Variants in ANK3 observed in about 807,000 individuals in gnomAD.
The protein encoded by ANK3 is ankyrin 3, also known as ankyrin-3.
Under a neutral mutation model 370.9 loss-of-function variants are expected in ANK3, and 57 were observed. That is an observed-to-expected ratio of 0.15 (90% CI 0.12 to 0.19). The LOEUF is 0.19. Ranked by LOEUF, ANK3 falls within the 10% of genes least tolerant of loss-of-function variation. The pLI is 1.00. For synonymous variants in ANK3, 1,929 were observed against 1,946.3 expected, an observed-to-expected ratio of 0.99 and a Z score of 0.23; for missense variants, 4,439 against 5,302.1, an observed-to-expected ratio of 0.84 and a Z score of 5.06.
chr10:60,219,413 C>A (rs2132479823), intron 8 of ANK3, among the ~76,000 whole-genome samples: 1 of 152,258 alleles, frequency 6.6e-6, no homozygotes, highest in East Asian at 1.9e-4. Context: ...TCATTAGAAT[C>A]AGGCAGTTAT....
intron 2 of ANK3, among the ~76,000 whole-genome samples, chr10:60,577,578 T>C (rs2077698742): frequency 6.6e-6 from 1 of 152,154 alleles, no homozygotes; most frequent in African/African-American, 2.4e-5. Flanking sequence ...TTTGCCACCA[T>C]GTAAGATGTG....
At chr10:60,582,362 G>A (rs551021909) in intron 2 of ANK3, among the ~76,000 whole-genome samples, 2 of 152,208 alleles carry the variant, frequency 1.3e-5, no homozygotes, top group South Asian at 2.1e-4. Context: ...ATCTTCCTGA[G>A]GCATTTCTAC....
intron 1 of ANK3, among the ~76,000 whole-genome samples, chr10:60,693,102 GGTCAGGGAGTTCCCTTTCCTA>G (rs1238994503): frequency 2.0e-5 from 3 of 152,184 alleles, no homozygotes; most frequent in Non-Finnish European, 4.4e-5. Flanking sequence ...AAGCGCAAGG[GGTCAGGGAGTTCCCTTTCCTA>G]GTCAAAGAAA....
At chr10:60,474,089 C>T (rs2074992771) in intron 2 of ANK3, among the ~76,000 whole-genome samples, 1 of 151,588 alleles carries the variant, frequency 6.6e-6, no homozygotes, top group Non-Finnish European at 1.5e-5. Context: ...GCTATGATCA[C>T]ACCACTGCAC....
intron 2 of ANK3, among the ~76,000 whole-genome samples, chr10:60,570,026 A>T (rs1025209335): frequency 3.3e-5 from 5 of 152,166 alleles, no homozygotes; most frequent in Non-Finnish European, 5.9e-5. Context: ...ATATATATGT[A>T]TACATATTTT....
rs539283874 is a variant in ANK3, at chr10:60,523,836, C to A, written c.96+91350G>T. 1.2e-4 allele frequency among the ~76,000 whole-genome samples: 18 copies of A among 152,158 alleles called. No homozygotes were observed. The East Asian group carries it at 3.5e-3, about 29-fold the overall frequency. ...ATAAGAGCATGTGGTCATATACACT[C>A]TTTGTCACTACCATTAAAAAATAAA... On this transcript the variant is annotated intron_variant, in intron 2 of 43. Coordinates refer to the ANK3 transcript ENST00000373827.
chr10:60,153,827 A>C (rs553310081), intron 23 of ANK3, among the ~76,000 whole-genome samples: 70 of 152,294 alleles, frequency 4.6e-4, no homozygotes, highest in Admixed American at 4.5e-3. Flanking sequence ...AAAGCTGTTT[A>C]TCAACTTAAA....
At chr10:60,303,212 C>T (rs10994297) in intron 1 of ANK3, among the ~76,000 whole-genome samples, 1 of 152,060 alleles carries the variant, frequency 6.6e-6, no homozygotes. Context: ...TTAAATGAGA[C>T]TACATCAAAC....
chr10:60,124,396 G>C (rs537505795), intron 25 of ANK3, among the ~76,000 whole-genome samples: 5 of 152,064 alleles, frequency 3.3e-5, no homozygotes, highest in Admixed American at 2.6e-4. Flanking sequence ...GGCAGGTCTC[G>C]AACTCCTGGC....
At chr10:60,442,444 T>C (rs1342155782) in intron 2 of ANK3, among the ~76,000 whole-genome samples, 1 of 152,206 alleles carries the variant, frequency 6.6e-6, no homozygotes, top group African/African-American at 2.4e-5. Flanking sequence ...TAATACATAA[T>C]ACAATGTAAA....
chr10:60,188,300 C>T (rs1361331778), intron 16 of ANK3, among the ~76,000 whole-genome samples: 1 of 152,110 alleles, frequency 6.6e-6, no homozygotes, highest in Non-Finnish European at 1.5e-5. Flanking sequence ...GGGTCTTCTG[C>T]CCCAAGAAAG....
At chr10:60,566,653 G>A (rs1386442470) in intron 2 of ANK3, among the ~76,000 whole-genome samples, 1 of 152,156 alleles carries the variant, frequency 6.6e-6, no homozygotes, top group African/African-American at 2.4e-5. Context: ...TTGGAGGATT[G>A]CTCGAGGCCA....
intron 16 of ANK3, among the ~76,000 whole-genome samples, chr10:60,187,725 C>T (rs749099965): frequency 5.3e-5 from 8 of 151,878 alleles, no homozygotes; most frequent in African/African-American, 7.3e-5. Flanking sequence ...AAGACACTAC[C>T]ATCTCTCCTC....
intron 40 of ANK3, chr10:60,060,724 G>C (rs576454812): frequency 2.0e-5 from 3 of 152,248 alleles, no homozygotes; most frequent in South Asian, 4.1e-4. Context: ...AGATGAAAGG[G>C]TTGTGGAGTA....
At chr10:60,481,706 T>C (rs1025162348) in intron 2 of ANK3, among the ~76,000 whole-genome samples, 2 of 152,120 alleles carry the variant, frequency 1.3e-5, no homozygotes, top group Non-Finnish European at 2.9e-5. Flanking sequence ...TCAGGTGATC[T>C]GCCTGCCTCG....
chr10:60,328,828 A>G (rs2050519489), intron 1 of ANK3, among the ~76,000 whole-genome samples: 1 of 152,146 alleles, frequency 6.6e-6, no homozygotes, highest in South Asian at 2.1e-4. Flanking sequence ...ACACAACAAC[A>G]AAAAAAGAAA....
intron 7 of ANK3, among the ~76,000 whole-genome samples, chr10:60,244,892 G>A (rs932069506): frequency 2.6e-5 from 4 of 152,174 alleles, no homozygotes; most frequent in African/African-American, 7.2e-5. Flanking sequence ...GTTTTGGGCC[G>A]GGCGCGGTGG....
intron 28 of ANK3, among the ~76,000 whole-genome samples, chr10:60,104,357 C>CAAAAAAAAAAAAAAAAAAAAA (rs747064489): frequency 7.4e-5 from 4 of 53,758 alleles, no homozygotes; most frequent in African/African-American, 1.3e-4. Flanking sequence ...GACTCCATCT[C>CAAAAAAAAAAAAAAAAAAAAA]AAAAAAAAAA....
intron 2 of ANK3, among the ~76,000 whole-genome samples, chr10:60,454,050 T>A (rs2064681421): frequency 6.6e-6 from 1 of 152,214 alleles, no homozygotes; most frequent in African/African-American, 2.4e-5. Context: ...TAGGCCTTTT[T>A]AAAGCCATTC....
Sources: gnomAD v4.1 joint callset for allele counts (sites outside exome capture counted in the v4.1 genomes callset) on GRCh38, gnomAD v4.1.1 for gene constraint, MANE v1.5 for transcripts, NCBI Gene and HGNC (gene_info 2026-07-23, HGNC 2026-07-21) for gene names.